The following PCDH15 variants were observed in gnomAD, a reference collection of about 807,000 sequenced individuals.
The protein encoded by PCDH15 is protocadherin related 15.
In PCDH15, 129 loss-of-function variants were observed where a neutral mutation model predicts 178.5. That is an observed-to-expected ratio of 0.72 (90% CI 0.63 to 0.84). The LOEUF (loss-of-function observed/expected upper bound fraction) is 0.84. Ranked by LOEUF, PCDH15 falls within the 40% of genes least tolerant of loss-of-function variation. PCDH15 has a pLI of 0.00. For missense variants in PCDH15, 2,230 were observed against 2,099.9 expected (o/e 1.06, Z -1.21); for synonymous variants, 800 against 732.0 (o/e 1.09, Z -1.50).
intron 2 of PCDH15, among the ~76,000 whole-genome samples, chr10:55,162,158 T>C (rs1328137541): frequency 1.3e-5 from 2 of 152,154 alleles, no homozygotes; most frequent in Non-Finnish European, 2.9e-5. Flanking sequence ...TACCAGACTT[T>C]AGATACATTA....
intron 2 of PCDH15, among the ~76,000 whole-genome samples, chr10:54,597,478 AC>A (rs1362717939): frequency 6.6e-6 from 1 of 151,960 alleles, no homozygotes; most frequent in Non-Finnish European, 1.5e-5. Flanking sequence ...AGCACTAAAC[AC>A]CCCCATCAAA....
At position 54,976,246 on chromosome 10, in the gene PCDH15, A is replaced by G. The variant is rs558640450; in HGVS notation, c.-79-78746T>C. Among the ~76,000 whole-genome samples, 23 of 152,266 alleles carry G rather than the reference A, an allele frequency of 1.5e-4. No homozygotes were observed. The South Asian group carries it at 3.5e-3, about 23-fold the overall frequency. ...AATATCAGATATAGTCTTAAAATCA[A>G]TCTCAAGATTGGTTCTAGAACTATT... On this transcript the variant is annotated intron_variant, in intron 2 of 5. Coordinates refer to the PCDH15 transcript ENST00000458638.
At chr10:55,148,792 A>G (rs1051500891) in intron 2 of PCDH15, among the ~76,000 whole-genome samples, 2 of 150,352 alleles carry the variant, frequency 1.3e-5, no homozygotes, top group Non-Finnish European at 3.0e-5. Context: ...AATCTTATAT[A>G]TAAAACATGA....
intron 17 of PCDH15, 151 bp downstream of exon 17, chr10:54,079,180 T>C (rs901027486): frequency 5.0e-6 from 4 of 795,472 alleles, no homozygotes; most frequent in Admixed American, 3.9e-5. Context: ...CATGTATTAA[T>C]AGCCTGTTGA....
At position 55,275,303 on chromosome 10, in the gene PCDH15, C is replaced by A. The variant is rs139229508; in HGVS notation, c.-156+44296G>T. 5.9e-3 allele frequency among the ~76,000 whole-genome samples: 900 copies of A among 151,678 alleles called. 17 individuals are homozygous for A. Among genetic ancestry groups the A allele is most frequent in the African/African-American group, 0.02 (824 of 41,414 alleles). On this transcript the variant is annotated intron_variant, in intron 1 of 5. Coordinates refer to the PCDH15 transcript ENST00000458638. Reference sequence around the variant, plus strand: ...TCTATTTCTACTCCCACTTTAGTGTCTCTTGATTATTAGAAGTTCCTAAAT... The same window carrying A: ...TCTATTTCTACTCCCACTTTAGTGTATCTTGATTATTAGAAGTTCCTAAAT...
At chr10:54,647,430 A>G in intron 2 of PCDH15, among the ~76,000 whole-genome samples, 1 of 152,072 alleles carries the variant, frequency 6.6e-6, no homozygotes, top group East Asian at 1.9e-4. Context: ...TAAAAATTCT[A>G]GAAACCTGAT....
chr10:55,328,717 ATACAG>A (rs1203350048), intron 2 of PCDH15, among the ~76,000 whole-genome samples: 2 of 151,218 alleles, frequency 1.3e-5, no homozygotes, highest in Non-Finnish European at 3.0e-5. Context: ...TCCCTAAACA[ATACAG>A]TACAATTATT....
intron 2 of PCDH15, among the ~76,000 whole-genome samples, chr10:55,364,905 T>C (rs1408151777): frequency 6.6e-6 from 1 of 152,090 alleles, no homozygotes; most frequent in Non-Finnish European, 1.5e-5. Flanking sequence ...ATACAAAATA[T>C]ACAATTTTTT....
At chr10:54,101,069 A>G (rs2094803106) in intron 15 of PCDH15, among the ~76,000 whole-genome samples, 1 of 152,120 alleles carries the variant, frequency 6.6e-6, no homozygotes, top group African/African-American at 2.4e-5. Context: ...GAGACCTGGT[A>G]GGAGACAATT....
At chr10:55,406,045 C>T (rs1258531535) in intron 2 of PCDH15, among the ~76,000 whole-genome samples, 9 of 143,354 alleles carry the variant, frequency 6.3e-5, no homozygotes. Context: ...ATGTGGCTAT[C>T]TAGTTGGCAG....
chr10:54,892,711 T>C (rs1250221819), intron 3 of PCDH15, among the ~76,000 whole-genome samples: 4 of 149,112 alleles, frequency 2.7e-5, no homozygotes, highest in Non-Finnish European at 5.9e-5. Context: ...TAAATGAGAA[T>C]GGAAATAATA....
At chr10:54,307,094 GTGTGTGTGTGTATATATA>G (rs1554891059) in intron 8 of PCDH15, among the ~76,000 whole-genome samples, 2 of 8,180 alleles carry the variant, frequency 2.4e-4, no homozygotes, top group Non-Finnish European at 4.3e-4. Flanking sequence ...ATATATATAT[GTGTGTGTGTGTATATATA>G]TATATATATA....
intron 1 of PCDH15, among the ~76,000 whole-genome samples, chr10:55,268,125 C>T (rs1842348898): frequency 6.6e-6 from 1 of 152,122 alleles, no homozygotes; most frequent in Non-Finnish European, 1.5e-5. Context: ...TACTTCTGTG[C>T]TATTTGTATT....
intron 2 of PCDH15, among the ~76,000 whole-genome samples, chr10:54,957,462 C>T (rs973404308): frequency 6.6e-6 from 1 of 151,490 alleles, no homozygotes; most frequent in African/African-American, 2.4e-5. Context: ...TTTTCCTCCA[C>T]TTTCAAACAG....
At chr10:54,107,355 C>T (rs1053594271) in intron 15 of PCDH15, among the ~76,000 whole-genome samples, 1 of 152,202 alleles carries the variant, frequency 6.6e-6, no homozygotes. Flanking sequence ...TAAGTAATTT[C>T]ATAAACCATT....
intron 2 of PCDH15, among the ~76,000 whole-genome samples, chr10:55,350,218 T>C (rs1374810727): frequency 1.4e-4 from 19 of 134,736 alleles, no homozygotes; most frequent in African/African-American, 4.8e-4. Context: ...ATATATACCA[T>C]ATATAAACTC....
At chr10:53,878,210 CTTTGAAT>C (rs1564665008) in intron 26 of PCDH15, among the ~76,000 whole-genome samples, 32 of 61,818 alleles carry the variant, frequency 5.2e-4, no homozygotes, top group African/African-American at 2.1e-3. Flanking sequence ...CACACACACA[CTTTGAAT>C]ATATATATAT....
chr10:53,966,552 T>G (rs1468836945), intron 21 of PCDH15, among the ~76,000 whole-genome samples: 2 of 152,094 alleles, frequency 1.3e-5, no homozygotes, highest in Non-Finnish European at 2.9e-5. Context: ...TAATATTATT[T>G]CTGGGAAATT....
At chr10:54,095,542 G>T (rs1225475845) in intron 15 of PCDH15, among the ~76,000 whole-genome samples, 1 of 151,996 alleles carries the variant, frequency 6.6e-6, no homozygotes, top group African/African-American at 2.4e-5. Context: ...TTGGAAAACT[G>T]CACACAGGAG....
Sources: allele counts gnomAD v4.1 joint callset (sites outside exome capture counted in the v4.1 genomes callset), GRCh38; gene constraint gnomAD v4.1.1; transcripts MANE v1.5; gene names NCBI Gene and HGNC (gene_info 2026-07-23, HGNC 2026-07-21).